Variants in ZFYVE28 observed in about 807,000 individuals in gnomAD.
The protein encoded by ZFYVE28 is lateral signaling target protein 2 homolog.
Under a neutral mutation model 82.1 loss-of-function variants are expected in ZFYVE28, and 40 were observed. That is an observed-to-expected ratio of 0.49 (90% CI 0.38 to 0.63). The LOEUF (loss-of-function observed/expected upper bound fraction) is 0.63, where lower values mean the gene tolerates loss of function less well. Ranked by LOEUF, ZFYVE28 falls within the 30% of genes least tolerant of loss-of-function variation. The probability of loss-of-function intolerance (pLI) is 0.00; values close to 1 mark genes in which losing one functional copy is unlikely to be tolerated. For missense variants in ZFYVE28, 1,321 were observed against 1,242.1 expected (o/e 1.06, Z -0.96); for synonymous variants, 612 against 546.1 (o/e 1.12, Z -1.68).
At chr4:2,347,817 G>T (rs1390785908) in intron 2 of ZFYVE28, among the ~76,000 whole-genome samples, 2 of 152,010 alleles carry the variant, frequency 1.3e-5, no homozygotes, top group African/African-American at 4.8e-5. Context: ...TAGAAAAGAA[G>T]AAAGGCATTC....
chr4:2,301,379 C>T (rs1715494345), intron 8 of ZFYVE28, among the ~76,000 whole-genome samples: 1 of 152,180 alleles, frequency 6.6e-6, no homozygotes, highest in African/African-American at 2.4e-5. Context: ...CAGGCACTGA[C>T]CTAAATTGAA....
At chr4:2,280,484 G>A (rs1039112438) in intron 8 of ZFYVE28, among the ~76,000 whole-genome samples, 6 of 152,172 alleles carry the variant, frequency 3.9e-5, no homozygotes, top group African/African-American at 1.4e-4. Flanking sequence ...CTCCACTCCA[G>A]CCTGGGCAAC....
Position 2,305,092 on chromosome 4 carries a change from G to A in ZFYVE28, c.1248C>T (p.Pro416=), listed in dbSNP as rs201737942. ...VEGTAEALAR[P]ESPAGPFGWA... ...ACCCAAATGGGCCAGCTGGGGACTC[G>A]GGCCTGGCCAGGGCTTCTGCCGTCC... The change falls in exon 8 of 13, where the codon CCC becomes CCT. Residue 416 remains proline, a synonymous_variant. Coordinates refer to ENST00000290974, the MANE Select transcript of ZFYVE28 (RefSeq NM_020972.3). 2.3e-4 allele frequency: 377 copies of A among 1,605,438 alleles called. 3 individuals are homozygous for A. Among genetic ancestry groups the A allele is most frequent in the Middle Eastern group, 8.3e-4 (5 of 6,030 alleles).
chr4:2,302,745 A>G (rs1715760754), intron 8 of ZFYVE28, among the ~76,000 whole-genome samples: 1 of 152,240 alleles, frequency 6.6e-6, no homozygotes, highest in African/African-American at 2.4e-5. Flanking sequence ...GAAATGAAAG[A>G]CGGTCTCCCC....
At chr4:2,364,195 G>A (rs1276819274) in intron 1 of ZFYVE28, among the ~76,000 whole-genome samples, 1 of 152,176 alleles carries the variant, frequency 6.6e-6, no homozygotes, top group African/African-American at 2.4e-5. Context: ...GCCTGGTGTG[G>A]CACCTGGGAC....
At position 2,401,865 on chromosome 4, in the gene ZFYVE28, T is replaced by C. The variant is rs1218255689; in HGVS notation, c.39+16420A>G. ...CCGGCCCAAGACCTGGGCTGCGTCC[T>C]CTCCTCGAGCCTCTCATGAGAAAGA... On this transcript the variant is annotated intron_variant, in intron 1 of 12. Transcript: ENST00000290974. 2.6e-5 allele frequency among the ~76,000 whole-genome samples: 4 copies of C among 152,210 alleles called. No individual in the cohort carries two copies. The East Asian group carries it at 7.7e-4, about 29-fold the overall frequency.
At position 2,409,184 on chromosome 4, in the gene ZFYVE28, G is replaced by A. The variant is rs554103559; in HGVS notation, c.39+9101C>T. 6.5e-5 allele frequency among the ~76,000 whole-genome samples: 9 copies of A among 137,686 alleles called. No individual in the cohort carries two copies. The highest frequency in any genetic ancestry group is 1.1e-4 in the African/African-American group (4 of 36,088). 90.3% of individuals were successfully genotyped at this position (137,686 alleles called of 152,430 possible). On this transcript the variant is annotated intron_variant, in intron 1 of 12. Coordinates refer to ENST00000290974, the MANE Select transcript of ZFYVE28 (RefSeq NM_020972.3). This position sits in a 1 kb window ranked among gnomAD's most constrained non-coding sequence, Gnocchi z 4.4. ...CACCCCCATCTCCACCCTCCACCTC[G>A]CAGCTCCTCTCCTGAGCTCCCCATC... is the stretch of plus-strand genomic sequence containing the variant.
At chr4:2,284,671 T>C (rs775476616) in intron 8 of ZFYVE28, among the ~76,000 whole-genome samples, 3 of 152,174 alleles carry the variant, frequency 2.0e-5, no homozygotes, top group East Asian at 3.8e-4. Context: ...TCTCCTCTTA[T>C]GGTGCCTCAC....
At position 2,320,087 on chromosome 4, in the gene ZFYVE28, C is replaced by T. The variant is rs1718847449; in HGVS notation, c.803+83G>A. 8.5e-6 allele frequency: 11 copies of T among 1,298,278 alleles called. No homozygotes were observed. The highest frequency in any genetic ancestry group is 7.3e-5 in the Admixed American group (4 of 54,926). The allele number at this position is 1,298,278 out of a possible 1,614,324, so 80.4% of individuals were successfully genotyped here. A position where few individuals can be genotyped will look rare whatever the true frequency, so the allele number is the denominator to read the frequency against. ...CACAGAGAGGAGGAGGACCTGGAGGCGGCGGCTAAACATGACTTCAGCGCC... is the reference window on the plus strand; with the variant it reads ...CACAGAGAGGAGGAGGACCTGGAGGTGGCGGCTAAACATGACTTCAGCGCC... On this transcript the variant is annotated intron_variant, in intron 7 of 12. Transcript: ENST00000290974. This position sits in a 1 kb window ranked among gnomAD's most constrained non-coding sequence, Gnocchi z 5.1.
chr4:2,334,182 G>A (rs566958406), intron 6 of ZFYVE28, among the ~76,000 whole-genome samples: 14 of 152,284 alleles, frequency 9.2e-5, no homozygotes, highest in Middle Eastern at 3.4e-3. Context: ...CGGGAAGGAC[G>A]GCGCAGGAAA....
At chr4:2,357,144 G>T (rs898174486) in intron 1 of ZFYVE28, among the ~76,000 whole-genome samples, 1 of 152,112 alleles carries the variant, frequency 6.6e-6, no homozygotes, top group Admixed American at 6.5e-5. Flanking sequence ...TGATCCATCC[G>T]CCTCGGCCTC....
Position 2,418,507 on chromosome 4 carries a change from C to A in ZFYVE28, c.-184G>T. The A allele has an allele frequency of 4.2e-6, 1 of 237,078 alleles. No homozygotes were observed. Among genetic ancestry groups the A allele is most frequent in the Non-Finnish European group, 6.9e-6 (1 of 143,888 alleles). 14.7% of individuals were successfully genotyped at this position (237,078 alleles called of 1,614,324 possible). A position where few individuals can be genotyped will look rare whatever the true frequency, so the allele number is the denominator to read the frequency against. On this transcript the variant is annotated 5_prime_UTR_variant, in exon 1 of 13. Transcript: ENST00000290974. The surrounding 1 kb of genome is among the most constrained non-coding windows in gnomAD (Gnocchi z 4.6). ...CGGGCAGGTGCGCGGGGCAGGTGCGCGGCCCTGAGTATGCTCTGCAAGCGG... is the reference window on the plus strand; with the variant it reads ...CGGGCAGGTGCGCGGGGCAGGTGCGAGGCCCTGAGTATGCTCTGCAAGCGG...
chr4:2,355,028 A>G (rs1202176226), intron 1 of ZFYVE28, among the ~76,000 whole-genome samples: 1 of 150,138 alleles, frequency 6.7e-6, no homozygotes, highest in Non-Finnish European at 1.5e-5. Context: ...AACTGCAACC[A>G]CCACACGCCC....
intron 1 of ZFYVE28, among the ~76,000 whole-genome samples, chr4:2,397,637 T>C (rs1336518085): frequency 6.6e-6 from 1 of 152,182 alleles, no homozygotes; most frequent in African/African-American, 2.4e-5. Flanking sequence ...ATGAACATCA[T>C]GCCTCTAGGG....
chr4:2,403,555 CG>C (rs1008748621), intron 1 of ZFYVE28, among the ~76,000 whole-genome samples: 1 of 152,152 alleles, frequency 6.6e-6, no homozygotes, highest in African/African-American at 2.4e-5. Context: ...CAGGGCACTC[CG>C]CTCACCAGGG....
At position 2,362,904 on chromosome 4, in the gene ZFYVE28, C is replaced by T. The variant is rs554649609; in HGVS notation, c.40-8831G>A. Among the ~76,000 whole-genome samples, 16 of 152,220 alleles carry T rather than the reference C, an allele frequency of 1.1e-4. No individual in the cohort carries two copies. Among genetic ancestry groups the T allele is most frequent in the African/African-American group, 3.6e-4 (15 of 41,564 alleles). On this transcript the variant is annotated intron_variant, in intron 1 of 12. Coordinates refer to ENST00000290974, the MANE Select transcript of ZFYVE28 (RefSeq NM_020972.3). This position sits in a 1 kb window ranked among gnomAD's most constrained non-coding sequence, Gnocchi z 5.1. ...TCCTGCCTTGGCCTCCTGCGGACCCCACCCACCCCTGCTCTCTCTCAGGAC... is the reference window on the plus strand; with the variant it reads ...TCCTGCCTTGGCCTCCTGCGGACCCTACCCACCCCTGCTCTCTCTCAGGAC...
At chr4:2,379,940 A>G (rs1247012374) in intron 1 of ZFYVE28, among the ~76,000 whole-genome samples, 2 of 152,048 alleles carry the variant, frequency 1.3e-5, no homozygotes, top group Admixed American at 6.6e-5. Flanking sequence ...GCCATGAGCC[A>G]CAGTACCCAG....
At chr4:2,359,971 C>A (rs565451239) in intron 1 of ZFYVE28, among the ~76,000 whole-genome samples, 1 of 152,320 alleles carries the variant, frequency 6.6e-6, no homozygotes, top group South Asian at 2.1e-4. Context: ...ACAGCCCCCT[C>A]GGGCCCTGGA....
At chr4:2,328,522 A>G (rs1055426420) in intron 6 of ZFYVE28, 1 of 152,162 alleles carries the variant, frequency 6.6e-6, no homozygotes, top group African/African-American at 2.4e-5. Flanking sequence ...CCAAATTGTA[A>G]GAGAGTAAAT....
Sources: allele counts gnomAD v4.1 joint callset (sites outside exome capture counted in the v4.1 genomes callset), GRCh38; gene constraint gnomAD v4.1.1; non-coding constraint Gnocchi (gnomAD v3.1); transcripts MANE v1.5; gene names NCBI Gene and HGNC (gene_info 2026-07-23, HGNC 2026-07-21).